PRR5: variants seen among roughly 807,000 people sequenced by gnomAD.
PRR5 encodes proline-rich protein 5.
Under a neutral mutation model 30.6 loss-of-function variants are expected in PRR5, and 25 were observed. The observed-to-expected ratio is 0.82, with a 90% CI of 0.60 to 1.14. PRR5 has a LOEUF of 1.14. Ranked by LOEUF, PRR5 falls within the 50% of genes most tolerant of loss-of-function variation. The pLI is 0.00. For synonymous variants in PRR5, 286 were observed against 247.1 expected (o/e 1.16, Z -1.48); for missense variants, 600 against 547.1 (o/e 1.10, Z -0.96).
chr22:44,730,913 G>T (rs548325920), intron 4 of PRR5: 42 of 458,850 alleles, frequency 9.2e-5, no homozygotes, highest in African/African-American at 8.2e-4. Flanking sequence ...TTATGATCCT[G>T]CTCAGTGTCC....
Position 44,735,094 on chromosome 22 carries a change from T to C in PRR5, c.623T>C (p.Val208Ala), listed in dbSNP as rs530019986. The change falls in exon 7 of 8, where the codon GTG becomes GCG. Residue 208 changes from valine to alanine, a missense_variant. Transcript: ENST00000336985. Reference protein sequence around the residue: ...LRLETLVQKVVSPYLGTYGLH... With the variant: ...LRLETLVQKVASPYLGTYGLH... ...CTGGAGACGCTGGTCCAGAAGGTGGTGTCGCCATACCTGGGCACCTACGGC... is the reference window on the plus strand; with the variant it reads ...CTGGAGACGCTGGTCCAGAAGGTGGCGTCGCCATACCTGGGCACCTACGGC... 62 of 1,612,186 alleles carry C rather than the reference T, an allele frequency of 3.8e-5. No homozygotes were observed. The highest frequency in any genetic ancestry group is 1.7e-4 in the Middle Eastern group (1 of 6,056).
At chr22:44,676,390 C>CAAAAAAAAAAAAAAAAAAAAAA (rs59016907), upstream of PRR5, among the ~76,000 whole-genome samples, 1 of 37,072 alleles carries the variant, frequency 2.7e-5, no homozygotes, top group Non-Finnish European at 5.9e-5. Flanking sequence ...GACCCTGTCT[C>CAAAAAAAAAAAAAAAAAAAAAA]AAAAAAAAAA....
intron 6 of PRR5, among the ~76,000 whole-genome samples, chr22:44,732,827 GCACATACTACACACGTGCACACACGTGCA>G (rs1569111468): frequency 3.1e-5 from 2 of 64,012 alleles, no homozygotes; most frequent in South Asian, 5.9e-4. Context: ...ACGTGTGCAC[GCACATACTACACACGTGCACACACGTGCA>G]CACGCACATA....
At position 44,725,225 on chromosome 22, in the gene PRR5, T is replaced by C. The variant is rs770835424; in HGVS notation, c.216-19T>C. ...CCGTGTGGTCTGGGACTCACTCTTG[T>C]CTCACCTCCCACCCACAGGCAGCTG... On this transcript the variant is annotated intron_variant, in intron 2 of 7. Coordinates refer to ENST00000336985, the MANE Select transcript of PRR5 (RefSeq NM_181333.4). The C allele has an allele frequency of 2.5e-6, 4 of 1,613,678 alleles. No individual in the cohort carries two copies. In the South Asian group the frequency reaches 3.3e-5, roughly 13 times the overall value.
At chr22:44,669,098 C>G (rs1923269663) in intron 1 of PRR5, among the ~76,000 whole-genome samples, 1 of 149,974 alleles carries the variant, frequency 6.7e-6, no homozygotes, top group African/African-American at 2.5e-5. Context: ...CTCTCCCAGC[C>G]TCTCTCGCTC....
chr22:44,700,081 CA>C (rs1485552592), upstream of PRR5, among the ~76,000 whole-genome samples: 2 of 152,102 alleles, frequency 1.3e-5, no homozygotes, highest in Non-Finnish European at 2.9e-5. Flanking sequence ...TATGGGTGGC[CA>C]AAAGTGGGAG....
upstream of PRR5, among the ~76,000 whole-genome samples, chr22:44,701,055 T>G (rs1926228033): frequency 7.3e-6 from 1 of 136,654 alleles, no homozygotes; most frequent in Non-Finnish European, 1.6e-5. Flanking sequence ...GCTAATTTTG[T>G]ATTTTTAATA....
At chr22:44,720,228 C>T (rs1045742582) in intron 2 of PRR5, among the ~76,000 whole-genome samples, 4 of 152,250 alleles carry the variant, frequency 2.6e-5, no homozygotes, top group South Asian at 4.1e-4. Flanking sequence ...GCAGGTCTCA[C>T]GTGCAGGCCA....
chr22:44,736,475 G>A (rs80305911), intron 7 of PRR5, among the ~76,000 whole-genome samples: 2,136 of 137,920 alleles, frequency 0.015, 55 homozygotes, highest in African/African-American at 0.058. Context: ...ACTGAGGCAC[G>A]GGGGTGAGGT....
At chr22:44,683,024 G>C (rs1924432164) in intron 1 of PRR5, among the ~76,000 whole-genome samples, 1 of 152,234 alleles carries the variant, frequency 6.6e-6, no homozygotes, top group Admixed American at 6.5e-5. Context: ...CCCAAAATAA[G>C]TGAAGGGTGA....
chr22:44,720,376 G>A lies in PRR5; in HGVS notation c.216-4868G>A, dbSNP rs114926322. Among the ~76,000 whole-genome samples, 368 of 152,356 alleles carry A rather than the reference G, an allele frequency of 2.4e-3. 1 individual carries two copies. The highest frequency in any genetic ancestry group is 0.014 in the Middle Eastern group (4 of 294). ...CTAGGGCTCCAACCTTGGGTTCCCT[G>A]ATCCAGCCTTTGACTTCAACAGTGC... On this transcript the variant is annotated intron_variant, in intron 2 of 7. Coordinates refer to ENST00000336985, the MANE Select transcript of PRR5 (RefSeq NM_181333.4).
intron 1 of PRR5, among the ~76,000 whole-genome samples, chr22:44,686,184 G>C (rs1012470116): frequency 6.6e-6 from 1 of 152,060 alleles, no homozygotes; most frequent in Non-Finnish European, 1.5e-5. Flanking sequence ...CCAGGAGAGA[G>C]AGGTTGCAGT....
upstream of PRR5, among the ~76,000 whole-genome samples, chr22:44,697,880 C>T (rs772337311): frequency 1.8e-4 from 27 of 152,172 alleles, no homozygotes; most frequent in Non-Finnish European, 2.5e-4. Flanking sequence ...GTTTAGTGGC[C>T]GCCCCTGTAT....
At chr22:44,733,851 G>A (rs1922691161) in intron 6 of PRR5, among the ~76,000 whole-genome samples, 1 of 152,170 alleles carries the variant, frequency 6.6e-6, no homozygotes, top group East Asian at 1.9e-4. Flanking sequence ...GAGTTCAGGC[G>A]ACTTTGCTCA....
At chr22:44,700,413 C>G (rs1328880488), upstream of PRR5, among the ~76,000 whole-genome samples, 4 of 152,302 alleles carry the variant, frequency 2.6e-5, no homozygotes, top group Admixed American at 2.6e-4. Flanking sequence ...TAGCAGTGAG[C>G]CATGATTGCG....
Position 44,708,069 on chromosome 22 carries a change from C to T in PRR5, c.134+5461C>T, listed in dbSNP as rs534706905. On this transcript the variant is annotated intron_variant, in intron 1 of 7. Coordinates refer to ENST00000336985, the MANE Select transcript of PRR5 (RefSeq NM_181333.4). Reference sequence around the variant, plus strand: ...GGAAACCTGGCCAGGCGTGGTGGCTCATGCCTGTAATCCCAGCTACTTTGG... The same window carrying T: ...GGAAACCTGGCCAGGCGTGGTGGCTTATGCCTGTAATCCCAGCTACTTTGG... Among the ~76,000 whole-genome samples the T allele has an allele frequency of 2.6e-5, 4 of 152,214 alleles. No individual in the cohort carries two copies. In the South Asian group the frequency reaches 8.3e-4, roughly 32 times the overall value.
At chr22:44,713,019 G>A (rs1224067084) in intron 1 of PRR5, among the ~76,000 whole-genome samples, 1 of 152,212 alleles carries the variant, frequency 6.6e-6, no homozygotes, top group Non-Finnish European at 1.5e-5. Flanking sequence ...CTTCCAGACA[G>A]GAGAAGCAGT....
At chr22:44,733,416 T>C (rs1402376323) in intron 6 of PRR5, among the ~76,000 whole-genome samples, 1 of 152,236 alleles carries the variant, frequency 6.6e-6, no homozygotes, top group Non-Finnish European at 1.5e-5. Context: ...CTCTTTATCG[T>C]TCTGAATCCC....
At position 44,714,636 on chromosome 22, in the gene PRR5, C is replaced by T. The variant is rs149995913; in HGVS notation, c.180C>T (p.Pro60=). The change falls in exon 2 of 8, where the codon CCC becomes CCT. Residue 60 remains proline, a synonymous_variant. Transcript: ENST00000336985. ...CCGTCTTCCAGCGCAAGGGGCTGCC[C>T]GACCAGGAGCTCTTCAGCCTCAACG... ...VIAVFQRKGL[P]DQELFSLNEG... is the part of the protein sequence containing the mutation. The T allele has an allele frequency of 6.2e-6, 10 of 1,613,804 alleles. No homozygotes were observed. Among genetic ancestry groups the T allele is most frequent in the East Asian group, 2.2e-5 (1 of 44,874 alleles).
Sources: gnomAD v4.1 joint callset for allele counts (sites outside exome capture counted in the v4.1 genomes callset) on GRCh38, gnomAD v4.1.1 for gene constraint, MANE v1.5 for transcripts, NCBI Gene and HGNC (gene_info 2026-07-23, HGNC 2026-07-21) for gene names.